Variants in MED27 observed in about 807,000 individuals in gnomAD.
The protein encoded by MED27 is mediator complex subunit 27, also known as mediator of RNA polymerase II transcription subunit 27.
Under a neutral mutation model 38.2 loss-of-function variants are expected in MED27, and 30 were observed. That is an observed-to-expected ratio of 0.79 (90% CI 0.59 to 1.07). The LOEUF (loss-of-function observed/expected upper bound fraction) is 1.07, where lower values mean the gene tolerates loss of function less well. Ranked by LOEUF, MED27 falls within the 50% of genes least tolerant of loss-of-function variation. The probability of loss-of-function intolerance (pLI) is 0.00; values close to 1 mark genes in which losing one functional copy is unlikely to be tolerated. For synonymous variants in MED27, 122 were observed against 153.5 expected (o/e 0.79, Z 1.52); for missense variants, 289 against 397.5 (o/e 0.73, Z 2.32).
chr9:132,040,791 G>A (rs1184307176), intron 2 of MED27, among the ~76,000 whole-genome samples: 1 of 152,176 alleles, frequency 6.6e-6, no homozygotes, highest in African/African-American at 2.4e-5. Context: ...ACACACGGCA[G>A]GATATTCTAG....
At chr9:131,965,039 G>A (rs1831308953) in intron 3 of MED27, among the ~76,000 whole-genome samples, 1 of 152,184 alleles carries the variant, frequency 6.6e-6, no homozygotes, top group Admixed American at 6.5e-5. Context: ...TTTGCAGGTA[G>A]TTTCACTTAA....
intron 2 of MED27, among the ~76,000 whole-genome samples, chr9:132,050,088 C>T (rs544800127): frequency 2.2e-4 from 34 of 152,174 alleles, no homozygotes; most frequent in Admixed American, 7.8e-4. Flanking sequence ...TGATGTAATC[C>T]GAACAATCCG....
chr9:132,011,023 A>G lies in MED27; in HGVS notation c.479+3314T>C, dbSNP rs184801129. On this transcript the variant is annotated intron_variant, in intron 3 of 7. Coordinates refer to ENST00000292035, the MANE Select transcript of MED27 (RefSeq NM_004269.4). ...TTGTGCACATGTACCCTAGAACTTA[A>G]AGTATAATAAAAAAATTTTGTAATA... Among the ~76,000 whole-genome samples the G allele has an allele frequency of 9.5e-4, 144 of 152,312 alleles. 1 individual carries two copies. Among genetic ancestry groups the G allele is most frequent in the Admixed American group, 4.3e-3 (66 of 15,300 alleles).
chr9:131,910,576 A>G (rs1830169764), intron 4 of MED27, among the ~76,000 whole-genome samples: 1 of 152,228 alleles, frequency 6.6e-6, no homozygotes, highest in Non-Finnish European at 1.5e-5. Context: ...GTAATACAGA[A>G]AAGTCCCACA....
intron 5 of MED27, among the ~76,000 whole-genome samples, 159 bp downstream of exon 5, chr9:131,893,726 T>C (rs1839265657): frequency 6.6e-6 from 1 of 152,176 alleles, no homozygotes; most frequent in South Asian, 2.1e-4. Context: ...GAGAATGAAA[T>C]GTTTTTTCAC....
At position 132,028,641 on chromosome 9, in the gene MED27, T is replaced by A. The variant is rs184847021; in HGVS notation, c.349-14174A>T. ...TGGAATTTTTATACCTTCTTTGGAC[T>A]TCATGTAGTAGACAATTGGGGGAGA... On this transcript the variant is annotated intron_variant, in intron 2 of 7. Transcript: ENST00000292035. 5.3e-4 allele frequency among the ~76,000 whole-genome samples: 81 copies of A among 152,336 alleles called. 2 individuals are homozygous for A. In the East Asian group the frequency reaches 0.014, roughly 27 times the overall value.
chr9:132,018,658 T>C lies in MED27; in HGVS notation c.349-4191A>G, dbSNP rs867567964. Among the ~76,000 whole-genome samples the C allele has an allele frequency of 2.6e-5, 4 of 152,240 alleles. No individual in the cohort carries two copies. In the South Asian group the frequency reaches 8.3e-4, roughly 32 times the overall value. On this transcript the variant is annotated intron_variant, in intron 2 of 7. Coordinates refer to ENST00000292035, the MANE Select transcript of MED27 (RefSeq NM_004269.4). Reference sequence around the variant, plus strand: ...CCTAGTACTTAAAAGCTGAAGTGTATGCTGGAGCCTCCCTGGGGTCCCTGC... The same window carrying C: ...CCTAGTACTTAAAAGCTGAAGTGTACGCTGGAGCCTCCCTGGGGTCCCTGC...
At chr9:132,060,497 G>A (rs549904320) in intron 2 of MED27, among the ~76,000 whole-genome samples, 2 of 152,234 alleles carry the variant, frequency 1.3e-5, no homozygotes, top group South Asian at 2.1e-4. Context: ...CCTCCCACCC[G>A]ACTGTGACCA....
chr9:132,073,228 C>T, intron 2 of MED27: 7 of 721,668 alleles, frequency 9.7e-6, no homozygotes, highest in Non-Finnish European at 1.2e-5. Flanking sequence ...AATTGCCTCC[C>T]ATCCAAGCAC....
chr9:131,963,715 A>C (rs1449749487), intron 3 of MED27, among the ~76,000 whole-genome samples: 1 of 152,228 alleles, frequency 6.6e-6, no homozygotes, highest in Non-Finnish European at 1.5e-5. Flanking sequence ...ACTTTTGTGA[A>C]TGTTATGAGC....
At position 132,003,690 on chromosome 9, in the gene MED27, T is replaced by C. The variant is rs561119538; in HGVS notation, c.479+10647A>G. Among the ~76,000 whole-genome samples, 14 of 152,328 alleles carry C rather than the reference T, an allele frequency of 9.2e-5. No individual in the cohort carries two copies. The South Asian group carries it at 2.7e-3, about 29-fold the overall frequency. Reference sequence around the variant, plus strand: ...CATGAACAGTATCCCGCTCTCATCATGCAGTTTTAACCAATTAGCAACTAT... The same window carrying C: ...CATGAACAGTATCCCGCTCTCATCACGCAGTTTTAACCAATTAGCAACTAT... On this transcript the variant is annotated intron_variant, in intron 3 of 7. Coordinates refer to ENST00000292035, the MANE Select transcript of MED27 (RefSeq NM_004269.4). This position sits in a 1 kb window ranked among gnomAD's most constrained non-coding sequence, Gnocchi z 4.2.
chr9:132,078,007 ATTAT>A (rs1307742058), intron 1 of MED27, among the ~76,000 whole-genome samples: 1 of 152,254 alleles, frequency 6.6e-6, no homozygotes, highest in Non-Finnish European at 1.5e-5. Context: ...TTAAATGATG[ATTAT>A]TTATCATTCA....
intron 4 of MED27, among the ~76,000 whole-genome samples, chr9:131,903,016 C>A (rs1282460386): frequency 6.6e-6 from 1 of 152,198 alleles, no homozygotes; most frequent in Non-Finnish European, 1.5e-5. Flanking sequence ...GAAGGAATGA[C>A]ACCATGCATG....
At chr9:131,934,384 A>G (rs1830644869) in intron 4 of MED27, among the ~76,000 whole-genome samples, 1 of 152,198 alleles carries the variant, frequency 6.6e-6, no homozygotes, top group African/African-American at 2.4e-5. Flanking sequence ...CAAACTACCC[A>G]TCTGACAAAG....
At chr9:132,029,534 A>C (rs1832903896) in intron 2 of MED27, among the ~76,000 whole-genome samples, 1 of 152,226 alleles carries the variant, frequency 6.6e-6, no homozygotes, top group African/African-American at 2.4e-5. Flanking sequence ...AGTATGAAAA[A>C]CCATGGCCAG....
intron 6 of MED27, among the ~76,000 whole-genome samples, chr9:131,881,058 G>C (rs1228404232): frequency 6.6e-6 from 1 of 152,172 alleles, no homozygotes; most frequent in African/African-American, 2.4e-5. Flanking sequence ...GTGGAGACTG[G>C]AGGAGGGAAC....
intron 4 of MED27, among the ~76,000 whole-genome samples, chr9:131,924,390 T>C (rs1016243912): frequency 1.3e-5 from 2 of 152,144 alleles, no homozygotes; most frequent in East Asian, 1.9e-4. Context: ...ATTTGGTGAA[T>C]TGTCTGTTTC....
At chr9:131,981,889 G>A (rs1831745171) in intron 3 of MED27, among the ~76,000 whole-genome samples, 1 of 152,176 alleles carries the variant, frequency 6.6e-6, no homozygotes, top group Admixed American at 6.5e-5. Context: ...ATTTTGAAGT[G>A]GTAGACAGGG....
intron 2 of MED27, among the ~76,000 whole-genome samples, chr9:132,055,580 A>C (rs1056721754): frequency 1.3e-5 from 2 of 152,238 alleles, no homozygotes; most frequent in African/African-American, 2.4e-5. Flanking sequence ...CACACTGCAA[A>C]CCACAAATGA....
Sources: allele counts gnomAD v4.1 joint callset (sites outside exome capture counted in the v4.1 genomes callset), GRCh38; gene constraint gnomAD v4.1.1; non-coding constraint Gnocchi (gnomAD v3.1); transcripts MANE v1.5; gene names NCBI Gene and HGNC (gene_info 2026-07-23, HGNC 2026-07-21).